The following HDAC9 variants were observed in gnomAD, a reference collection of about 807,000 sequenced individuals.
HDAC9 encodes the protein MEF-2 interacting transcription repressor (MITR) protein.
HDAC9 carries 41 observed loss-of-function variants against 139.4 expected under a neutral mutation model. The ratio of observed to expected loss-of-function variants is 0.29; its 90% CI spans 0.23 to 0.38. The LOEUF (loss-of-function observed/expected upper bound fraction) is 0.38. HDAC9 is among the 10% of genes least tolerant of loss of function. HDAC9 has a pLI of 1.00. For missense variants in HDAC9, 1,147 were observed against 1,297.0 expected (o/e 0.88, Z 1.78); for synonymous variants, 517 against 476.2 (o/e 1.09, Z -1.12).
chr7:18,859,260 T>C (rs1797910023), intron 21 of HDAC9, among the ~76,000 whole-genome samples: 1 of 152,178 alleles, frequency 6.6e-6, no homozygotes, highest in South Asian at 2.1e-4. Context: ...ATTTTGTTGT[T>C]GTTGCTAGAA....
chr7:18,577,784 C>G (rs965208270), intron 2 of HDAC9, among the ~76,000 whole-genome samples: 2 of 151,866 alleles, frequency 1.3e-5, no homozygotes, highest in African/African-American at 4.8e-5. Context: ...GTGGTTTAGC[C>G]CCCCAAAAAG....
chr7:18,780,838 A>G (rs1410229496), intron 16 of HDAC9, among the ~76,000 whole-genome samples: 2 of 152,186 alleles, frequency 1.3e-5, no homozygotes, highest in South Asian at 2.1e-4. Flanking sequence ...CCCTATGCCT[A>G]GGACACTTGC....
chr7:18,961,815 G>A (rs1302375140), intron 24 of HDAC9, among the ~76,000 whole-genome samples: 2 of 152,120 alleles, frequency 1.3e-5, no homozygotes, highest in Non-Finnish European at 2.9e-5. Context: ...CACAGCTAAT[G>A]AGTGGGCAAA....
At chr7:18,109,508 G>A (rs571168165) in intron 1 of HDAC9, among the ~76,000 whole-genome samples, 1 of 152,118 alleles carries the variant, frequency 6.6e-6, no homozygotes, top group Non-Finnish European at 1.5e-5. Context: ...GACATTAAAA[G>A]AATTTGAGAA....
chr7:18,429,549 T>TTGTG (rs544337272), intron 1 of HDAC9, among the ~76,000 whole-genome samples: 3,709 of 150,188 alleles, frequency 0.025, 108 homozygotes, highest in East Asian at 0.15. Flanking sequence ...GTGTGTGTAT[T>TTGTG]TGTGTGTGTG....
At chr7:18,177,060 C>G (rs1788970231) in intron 2 of HDAC9, among the ~76,000 whole-genome samples, 2 of 152,174 alleles carry the variant, frequency 1.3e-5, no homozygotes, top group African/African-American at 4.8e-5. Flanking sequence ...ATGTCATTTT[C>G]CCTTCTGTTG....
intron 1 of HDAC9, among the ~76,000 whole-genome samples, chr7:18,310,624 A>G (rs1396475087): frequency 6.6e-6 from 1 of 152,194 alleles, no homozygotes. Context: ...TAGAGTTGGG[A>G]ATATCCCAAC....
In HDAC9 at chr7:18,754,300, T is replaced by C. The variant is rs115171911; in HGVS notation, c.2043+5162T>C. 3.7e-3 allele frequency among the ~76,000 whole-genome samples: 564 copies of C among 152,140 alleles called. 3 individuals are homozygous for C. Among genetic ancestry groups the C allele is most frequent in the African/African-American group, 0.013 (543 of 41,530 alleles). On this transcript the variant is annotated intron_variant, in intron 14 of 25. Transcript: ENST00000686413. ...GTGTCCTCTTCAGAAACAAGCTATT[T>C]GATTAAGTAGCTGGGTTTCCAAGAT...
intron 8 of HDAC9, among the ~76,000 whole-genome samples, chr7:18,643,468 C>A (rs894931633): frequency 2.0e-5 from 3 of 152,176 alleles, no homozygotes; most frequent in Admixed American, 6.5e-5. Flanking sequence ...CCACATTTAA[C>A]CTTGTGCTCT....
At chr7:18,493,872 T>G (rs1277570029), upstream of HDAC9, among the ~76,000 whole-genome samples, 1 of 151,980 alleles carries the variant, frequency 6.6e-6, no homozygotes, top group Non-Finnish European at 1.5e-5. Flanking sequence ...GAACCTTTTT[T>G]GAGGAAACTT....
chr7:18,888,479 G>GT (rs1800376124), intron 22 of HDAC9, among the ~76,000 whole-genome samples: 1 of 152,132 alleles, frequency 6.6e-6, no homozygotes, highest in Non-Finnish European at 1.5e-5. Flanking sequence ...GATTTGATAC[G>GT]TTTTCAATAA....
chr7:18,706,567 C>T (rs1391021468), intron 12 of HDAC9, among the ~76,000 whole-genome samples: 2 of 152,198 alleles, frequency 1.3e-5, no homozygotes, highest in Admixed American at 6.5e-5. Context: ...AAACAAAGAA[C>T]TCCTGCCCTT....
intron 14 of HDAC9, among the ~76,000 whole-genome samples, chr7:18,753,830 G>C (rs1174585605): frequency 2.0e-5 from 3 of 152,072 alleles, no homozygotes; most frequent in Non-Finnish European, 4.4e-5. Context: ...ATGTTTAGAT[G>C]AGGGTGTTAG....
At chr7:18,692,941 A>T (rs924937452) in intron 12 of HDAC9, among the ~76,000 whole-genome samples, 11 of 152,152 alleles carry the variant, frequency 7.2e-5, no homozygotes, top group East Asian at 3.9e-4. Context: ...TGATAAATAC[A>T]TTTTTTGTGT....
intron 1 of HDAC9, among the ~76,000 whole-genome samples, chr7:18,423,860 G>A (rs902187780): frequency 1.3e-5 from 2 of 152,202 alleles, no homozygotes; most frequent in African/African-American, 4.8e-5. Context: ...TGCCAGACCA[G>A]ATTCACAGCA....
chr7:18,615,192 G>A (rs1838233299), intron 6 of HDAC9, among the ~76,000 whole-genome samples: 2 of 152,050 alleles, frequency 1.3e-5, no homozygotes, highest in African/African-American at 4.8e-5. Context: ...TACTATAAAG[G>A]TCATATATAA....
intron 1 of HDAC9, among the ~76,000 whole-genome samples, chr7:18,157,295 A>C (rs1264526394): frequency 6.6e-6 from 1 of 152,182 alleles, no homozygotes; most frequent in Non-Finnish European, 1.5e-5. Flanking sequence ...AATAATGTTG[A>C]ACATCACTCT....
chr7:18,639,372 A>G (rs1385254515), intron 8 of HDAC9, among the ~76,000 whole-genome samples: 1 of 152,122 alleles, frequency 6.6e-6, no homozygotes, highest in East Asian at 1.9e-4. Flanking sequence ...TAGGAATAAC[A>G]TGAGTCAATA....
intron 1 of HDAC9, among the ~76,000 whole-genome samples, chr7:18,336,423 A>G (rs1284294557): frequency 6.6e-6 from 1 of 151,626 alleles, no homozygotes; most frequent in East Asian, 1.9e-4. Flanking sequence ...GCTCTGTGGA[A>G]TGAATTCTGT....
Sources: allele counts gnomAD v4.1 joint callset (sites outside exome capture counted in the v4.1 genomes callset), GRCh38; gene constraint gnomAD v4.1.1; transcripts MANE v1.5; gene names NCBI Gene and HGNC (gene_info 2026-07-23, HGNC 2026-07-21).